Variants in PLPP5 observed in about 807,000 individuals in gnomAD.
The protein encoded by PLPP5 is phospholipid phosphatase 5, also known as diacylglycerol pyrophosphate like 1.
PLPP5 carries 29 observed loss-of-function variants against 23.6 expected under a neutral mutation model. That is an observed-to-expected ratio of 1.23 (90% CI 0.92 to 1.68). The LOEUF is 1.68. PLPP5 is among the 40% of genes most tolerant of loss of function. PLPP5 has a pLI of 0.00. For missense variants in PLPP5, 315 were observed against 332.1 expected, an observed-to-expected ratio of 0.95 and a Z score of 0.40; for synonymous variants, 143 against 131.3, an observed-to-expected ratio of 1.09 and a Z score of -0.61.
Position 38,268,401 on chromosome 8 carries a change from C to G in PLPP5, c.244G>C (p.Asp82His). The G allele has an allele frequency of 1.3e-6, 2 of 1,574,038 alleles. No homozygotes were observed. Among genetic ancestry groups the G allele is most frequent in the Non-Finnish European group, 8.6e-7 (1 of 1,159,720 alleles). The change falls in exon 3 of 7, where the codon GAC becomes CAC. Residue 82 changes from aspartate (D) to histidine (H), a missense_variant. Asp to His is a moderately conservative substitution (Grantham distance 81). Coordinates refer to ENST00000424479, the MANE Select transcript of PLPP5 (RefSeq NM_001102559.2). The stretch of plus-strand genomic sequence containing the variant: ...CAGGCTTGTCTGCTGTCTCTTGTGT[C>G]TGCCTTCTTGAGAAATTTGGCCAGG... ...IFLAKFLKKA[D>H]TRDSRQACLA...
rs764450660 is a variant in PLPP5 at position 38,268,985 on chromosome 8, G to A, written c.80C>T (p.Thr27Met). 63 of 1,572,284 alleles carry A rather than the reference G, an allele frequency of 4.0e-5. No individual in the cohort carries two copies. Among genetic ancestry groups the A allele is most frequent in the Middle Eastern group, 3.4e-4 (2 of 5,930 alleles). ...TCTCTGGAACGGGGGGAGCAGCTCC[G>A]TCACCCTAGAGGGGAACAAAGAAGC... The part of the protein sequence containing the change: ...RLALFAAFLV[T>M]ELLPPFQRLI... Residue 27 changes from threonine to methionine, a missense_variant, in exon 2 of 7, where the codon ACG becomes ATG. Thr to Met is a moderately conservative substitution (Grantham distance 81). Transcript: ENST00000424479.
Position 38,267,402 on chromosome 8 carries a change from G to A in PLPP5, c.339-11C>T, listed in dbSNP as rs767092320. 8.7e-6 allele frequency: 14 copies of A among 1,611,742 alleles called. No homozygotes were observed. The highest frequency in any genetic ancestry group is 3.3e-4 in the Middle Eastern group (2 of 6,070). ...AAATCTGGGCGTGGCCTGGAAGAAA[G>A]CAGCATGGTTGGAACGTAAATCATT... is the stretch of plus-strand genomic sequence containing the variant. On this transcript the variant is annotated splice_polypyrimidine_tract_variant and intron_variant, in intron 4 of 6. Coordinates refer to ENST00000424479, the MANE Select transcript of PLPP5 (RefSeq NM_001102559.2).
intron 6 of PLPP5, chr8:38,264,805 T>C: frequency 6.5e-7 from 1 of 1,537,794 alleles, no homozygotes; most frequent in Non-Finnish European, 8.7e-7. Flanking sequence ...TCAGGTTGCT[T>C]TCTGAACACC....
chr8:38,268,043 G>A, intron 3 of PLPP5, 83 bp from the exon 4 acceptor site: 2 of 1,601,512 alleles, frequency 1.2e-6, no homozygotes, highest in Non-Finnish European at 1.7e-6. Context: ...CAGCCGTGCT[G>A]TTTCTGAGAT....
At chr8:38,267,760 T>C (rs1807884732) in intron 4 of PLPP5, 137 bp downstream of exon 4, 2 of 934,938 alleles carry the variant, frequency 2.1e-6, no homozygotes, top group Non-Finnish European at 3.3e-6. Context: ...GAGTAAGCGT[T>C]GAATGACAAA....
At chr8:38,265,961 T>G (rs893423654) in intron 6 of PLPP5, among the ~76,000 whole-genome samples, 180 bp downstream of exon 6, 1 of 152,242 alleles carries the variant, frequency 6.6e-6, no homozygotes, top group African/African-American at 2.4e-5. Context: ...TTATCTTTGG[T>G]AAACTCTTTT....
chr8:38,267,538 T>C (rs909967563), intron 4 of PLPP5, 147 bp from the exon 5 acceptor site: 40 of 920,808 alleles, frequency 4.3e-5, no homozygotes, highest in Non-Finnish European at 5.4e-5. Context: ...GTCACCACAC[T>C]AAGAGAAAAG....
chr8:38,263,894 G>A lies in PLPP5; in HGVS notation c.*550C>T, dbSNP rs1158878876. Reference sequence around the variant, plus strand: ...TAGATCTTCAGATATTAATCTGATAGACCAGATTCATAAGGTGTTGGACAC... The same window carrying A: ...TAGATCTTCAGATATTAATCTGATAAACCAGATTCATAAGGTGTTGGACAC... On this transcript the variant is annotated 3_prime_UTR_variant, in exon 7 of 7. Coordinates refer to ENST00000424479, the MANE Select transcript of PLPP5 (RefSeq NM_001102559.2). 1 of 984,092 alleles carries A rather than the reference G, an allele frequency of 1.0e-6. No homozygotes were observed. The highest frequency in any genetic ancestry group is 1.2e-6 in the Non-Finnish European group (1 of 828,870). 61.0% of individuals were successfully genotyped at this position (984,092 alleles called of 1,614,324 possible). A position where few individuals can be genotyped will look rare whatever the true frequency, so the allele number is the denominator to read the frequency against.
chr8:38,267,173 AGAG>A, intron 5 of PLPP5, 91 bp downstream of exon 5: 1 of 1,607,572 alleles, frequency 6.2e-7, no homozygotes, highest in East Asian at 2.2e-5. Flanking sequence ...TGTAGAAACA[AGAG>A]TAGTCAGATT....
chr8:38,266,038 T>C, intron 6 of PLPP5, 103 bp downstream of exon 6: 1 of 1,051,892 alleles, frequency 9.5e-7, no homozygotes, highest in East Asian at 2.5e-5. Context: ...ACTCATTAAT[T>C]TGTTCATTCA....
At position 38,266,130 on chromosome 8, in the gene PLPP5, A is replaced by G; in HGVS notation, c.634+11T>C. 1.2e-6 allele frequency: 2 copies of G among 1,613,396 alleles called. No individual in the cohort carries two copies. Among genetic ancestry groups the G allele is most frequent in the Non-Finnish European group, 1.7e-6 (2 of 1,179,450 alleles). On this transcript the variant is annotated intron_variant, in intron 6 of 6. Coordinates refer to ENST00000424479, the MANE Select transcript of PLPP5 (RefSeq NM_001102559.2). ...ATATGCAAGCTTCCATAGCCTGAGT[A>G]CTTTGCTTACCTTGCCAGTGATGCT...
intron 4 of PLPP5, chr8:38,267,613 G>A: frequency 1.6e-6 from 1 of 635,014 alleles, no homozygotes; most frequent in South Asian, 2.1e-5. Flanking sequence ...TACTTTTTAG[G>A]GCAAACAGCA....
chr8:38,268,588 C>G, intron 2 of PLPP5, 127 bp from the exon 3 acceptor site: 1 of 1,455,352 alleles, frequency 6.9e-7, no homozygotes, highest in African/African-American at 1.4e-5. Context: ...TGCGCGTAAC[C>G]GGGCGCCAGG....
rs1807211091 is a variant in PLPP5, at chr8:38,263,667, T to C, written c.*777A>G. On this transcript the variant is annotated 3_prime_UTR_variant, in exon 7 of 7. Transcript: ENST00000424479. Reference sequence around the variant, plus strand: ...CGACATTTTCCTATTTAAGGCTTGATGGAATTGTCATCAGAGAAGGTAAAC... The same window carrying C: ...CGACATTTTCCTATTTAAGGCTTGACGGAATTGTCATCAGAGAAGGTAAAC... 1.0e-6 allele frequency: 1 copy of C among 985,394 alleles called. No individual in the cohort carries two copies. Among genetic ancestry groups the C allele is most frequent in the Non-Finnish European group, 1.2e-6 (1 of 829,904 alleles). 61.0% of individuals were successfully genotyped at this position (985,394 alleles called of 1,614,324 possible).
chr8:38,263,609 G>A lies in PLPP5; in HGVS notation c.*835C>T, dbSNP rs1807206781. The stretch of plus-strand genomic sequence containing the variant: ...GTACCAGATGGCTGGACTCAGATAA[G>A]ATGCACACAAAAGTGATAAATTACC... On this transcript the variant is annotated 3_prime_UTR_variant, in exon 7 of 7. Transcript: ENST00000424479. The A allele has an allele frequency of 4.1e-6, 4 of 985,268 alleles. No homozygotes were observed. Among genetic ancestry groups the A allele is most frequent in the Non-Finnish European group, 3.6e-6 (3 of 829,904 alleles). 61.0% of individuals were successfully genotyped at this position (985,268 alleles called of 1,614,324 possible).
chr8:38,267,847 G>A, intron 4 of PLPP5, 50 bp downstream of exon 4: 1 of 1,562,286 alleles, frequency 6.4e-7, no homozygotes, highest in Non-Finnish European at 8.8e-7. Flanking sequence ...CTCTGTTCTG[G>A]TGGGTAAGGG....
At position 38,263,412 on chromosome 8, in the gene PLPP5, G is replaced by A. The variant is rs532900784; in HGVS notation, c.*1032C>T. On this transcript the variant is annotated 3_prime_UTR_variant, in exon 7 of 7. Coordinates refer to ENST00000424479, the MANE Select transcript of PLPP5 (RefSeq NM_001102559.2). The stretch of plus-strand genomic sequence containing the variant: ...GTTGGTGCATTTGAGCAGATCTTCA[G>A]TCATGAATGGAAGGAAAGAAGCTCA... 2 of 985,382 alleles carry A rather than the reference G, an allele frequency of 2.0e-6. No homozygotes were observed. Among genetic ancestry groups the A allele is most frequent in the East Asian group, 1.1e-4 (1 of 8,812 alleles). The allele number at this position is 985,382 out of a possible 1,614,324, so 61.0% of individuals were successfully genotyped here.
At chr8:38,267,470 C>T (rs1807823469) in intron 4 of PLPP5, 79 bp from the exon 5 acceptor site, 2 of 1,544,566 alleles carry the variant, frequency 1.3e-6, no homozygotes, top group Middle Eastern at 1.7e-4. Flanking sequence ...CATTAATAAT[C>T]CTGTTAACTA....
rs767838668 is a variant in PLPP5 at position 38,268,895 on chromosome 8, G to C, written c.170C>G (p.Thr57Ser). The C allele has an allele frequency of 6.4e-6, 10 of 1,553,226 alleles. No homozygotes were observed. The Admixed American group carries it at 1.9e-4, about 30-fold the overall frequency. The change falls in exon 2 of 7, where the codon ACC (threonine) becomes AGC (serine). Residue 57 changes from threonine (T) to serine (S), a missense_variant. Coordinates refer to ENST00000424479, the MANE Select transcript of PLPP5 (RefSeq NM_001102559.2). ...NPYVEAEYFP[T>S]KPMFVIAFLS... ...TTCTCCACGCACAAACATCGGCTTG[G>C]TGGGGAAATACTCCGCCTCCACGTA... is the stretch of plus-strand genomic sequence containing the variant.
Sources: gnomAD v4.1 joint callset for allele counts (sites outside exome capture counted in the v4.1 genomes callset) on GRCh38, gnomAD v4.1.1 for gene constraint, MANE v1.5 for transcripts, NCBI Gene and HGNC (gene_info 2026-07-23, HGNC 2026-07-21) for gene names.